Variants in RPS6KC1 observed in about 807,000 individuals in gnomAD.
RPS6KC1 encodes the protein inactive ribosomal protein S6 kinase delta-1.
In RPS6KC1, 54 loss-of-function variants were observed where a neutral mutation model predicts 103.8. The observed-to-expected ratio is 0.52, with a 90% CI of 0.42 to 0.65. The LOEUF is 0.65. Among genes scored for constraint, RPS6KC1 ranks in the 30% least tolerant of loss-of-function variants. The probability of loss-of-function intolerance (pLI) is 0.00; values close to 1 mark genes in which losing one functional copy is unlikely to be tolerated. For synonymous variants in RPS6KC1, 439 were observed against 438.7 expected (o/e 1.00, Z -0.01); for missense variants, 1,151 against 1,253.8 (o/e 0.92, Z 1.24).
At chr1:213,461,417 A>G in the RPS6KC1 span, among the ~76,000 whole-genome samples, 1 of 152,228 alleles carries the variant, frequency 6.6e-6, no homozygotes, top group African/African-American at 2.4e-5. Flanking sequence ...TTCTTCACAG[A>G]GTTAGAAAAC....
At chr1:213,853,097 C>G in the RPS6KC1 span, among the ~76,000 whole-genome samples, 1 of 152,178 alleles carries the variant, frequency 6.6e-6, no homozygotes, top group African/African-American at 2.4e-5. Context: ...AGGGGGAGAA[C>G]AGCTAATCTA....
At chr1:213,487,615 G>T in the RPS6KC1 span, among the ~76,000 whole-genome samples, 2 of 152,002 alleles carry the variant, frequency 1.3e-5, 1 homozygote, top group Admixed American at 1.3e-4. Flanking sequence ...GCCCTTACAG[G>T]GGGGCATAGT....
chr1:213,285,623 G>A, the RPS6KC1 span, among the ~76,000 whole-genome samples: 8 of 152,152 alleles, frequency 5.3e-5, no homozygotes, highest in East Asian at 1.2e-3. Context: ...ATATGCAAAC[G>A]ATTTGCAATG....
At chr1:213,137,797 ATATTTTTTTTTTT>A (rs1479643242) in intron 6 of RPS6KC1, among the ~76,000 whole-genome samples, 1 of 33,038 alleles carries the variant, frequency 3.0e-5, no homozygotes, top group East Asian at 9.6e-4. Context: ...ATATATATAT[ATATTTTTTTTTTT>A]TTTTTTTTTT....
At chr1:213,333,821 A>G in the RPS6KC1 span, among the ~76,000 whole-genome samples, 2 of 152,094 alleles carry the variant, frequency 1.3e-5, no homozygotes, top group Non-Finnish European at 2.9e-5. Context: ...AGCTGGGATT[A>G]CAGGCACCCA....
the RPS6KC1 span, among the ~76,000 whole-genome samples, chr1:213,397,586 CAT>C: frequency 1.4e-4 from 11 of 79,650 alleles, no homozygotes; most frequent in African/African-American, 1.8e-4. Context: ...GTCAGGAACA[CAT>C]ACACACACAC....
intron 6 of RPS6KC1, among the ~76,000 whole-genome samples, chr1:213,133,525 T>C (rs2085898636): frequency 6.6e-6 from 1 of 152,182 alleles, no homozygotes; most frequent in Non-Finnish European, 1.5e-5. Context: ...ATAATGATTC[T>C]AAAAGCTTGG....
the RPS6KC1 span, among the ~76,000 whole-genome samples, chr1:213,862,189 G>A: frequency 6.6e-6 from 1 of 152,298 alleles, no homozygotes; most frequent in East Asian, 1.9e-4. Flanking sequence ...GCCCAGCCGC[G>A]ATAAGAATTT....
chr1:213,193,541 C>T (rs1345169979), intron 8 of RPS6KC1, among the ~76,000 whole-genome samples: 5 of 152,188 alleles, frequency 3.3e-5, no homozygotes, highest in Admixed American at 1.3e-4. Context: ...GGCTTACAGA[C>T]GTGAGCCACC....
chr1:213,489,480 T>A, the RPS6KC1 span, among the ~76,000 whole-genome samples: 8 of 152,184 alleles, frequency 5.3e-5, no homozygotes, highest in African/African-American at 1.9e-4. Context: ...CTCTGGGCCT[T>A]TTCATTCAAT....
At chr1:213,098,571 A>T (rs922183660) in intron 3 of RPS6KC1, among the ~76,000 whole-genome samples, 4 of 152,126 alleles carry the variant, frequency 2.6e-5, no homozygotes, top group Non-Finnish European at 4.4e-5. Flanking sequence ...CAGAGGCCTG[A>T]GGAAAGGGAG....
At chr1:213,364,913 G>T in the RPS6KC1 span, among the ~76,000 whole-genome samples, 1 of 151,930 alleles carries the variant, frequency 6.6e-6, no homozygotes, top group Admixed American at 6.5e-5. Flanking sequence ...AGCCGAGATC[G>T]CACCACTGCA....
intron 8 of RPS6KC1, among the ~76,000 whole-genome samples, chr1:213,202,868 G>A (rs1287822189): frequency 6.6e-6 from 1 of 151,934 alleles, no homozygotes; most frequent in Non-Finnish European, 1.5e-5. Context: ...ACATTATTAC[G>A]CTATTCTAAA....
intron 1 of RPS6KC1, among the ~76,000 whole-genome samples, chr1:213,056,521 G>T (rs2077344422): frequency 6.6e-6 from 1 of 152,232 alleles, no homozygotes; most frequent in Non-Finnish European, 1.5e-5. Context: ...TGAATAATAA[G>T]TAACTGTGAT....
At chr1:213,784,500 T>G in the RPS6KC1 span, among the ~76,000 whole-genome samples, 1 of 152,210 alleles carries the variant, frequency 6.6e-6, no homozygotes, top group South Asian at 2.1e-4. Context: ...GACACCTGTA[T>G]TTTTAAAACT....
the RPS6KC1 span, among the ~76,000 whole-genome samples, chr1:213,693,680 T>A: frequency 6.6e-6 from 1 of 152,242 alleles, no homozygotes; most frequent in Admixed American, 6.5e-5. Flanking sequence ...TCGCTGTTGT[T>A]CATTGCCTTT....
At chr1:213,088,596 G>T (rs2080654236) in intron 3 of RPS6KC1, among the ~76,000 whole-genome samples, 1 of 152,076 alleles carries the variant, frequency 6.6e-6, no homozygotes, top group South Asian at 2.1e-4. Flanking sequence ...AGCACAAAGT[G>T]ATCTGTCCGC....
the RPS6KC1 span, among the ~76,000 whole-genome samples, chr1:213,764,656 T>C: frequency 6.6e-6 from 1 of 151,996 alleles, no homozygotes; most frequent in African/African-American, 2.4e-5. Flanking sequence ...CAGTGGACGC[T>C]CTTGGGGACA....
chr1:213,537,661 T>C, the RPS6KC1 span, among the ~76,000 whole-genome samples: 2 of 152,238 alleles, frequency 1.3e-5, no homozygotes, highest in East Asian at 3.9e-4. Flanking sequence ...GTAGAAGTCA[T>C]CACAGCCTGG....
Sources: gnomAD v4.1 joint callset for allele counts (sites outside exome capture counted in the v4.1 genomes callset) on GRCh38, gnomAD v4.1.1 for gene constraint, MANE v1.5 for transcripts, NCBI Gene and HGNC (gene_info 2026-07-23, HGNC 2026-07-21) for gene names.